Variants in KLHDC4 observed in about 807,000 individuals in gnomAD.
The protein encoded by KLHDC4 is kelch domain-containing protein 4.
KLHDC4 carries 90 observed loss-of-function variants against 62.4 expected under a neutral mutation model. The ratio of observed to expected loss-of-function variants is 1.44; its 90% CI spans 1.22 to 1.72. The LOEUF (loss-of-function observed/expected upper bound fraction) is 1.72. Among genes scored for constraint, KLHDC4 ranks in the 40% most tolerant of loss-of-function variants. The pLI is 0.00. For missense variants in KLHDC4, 1,025 were observed against 699.7 expected, an observed-to-expected ratio of 1.47 and a Z score of -5.25; for synonymous variants, 386 against 284.4, an observed-to-expected ratio of 1.36 and a Z score of -3.59.
At chr16:87,714,459 G>A (rs2036530439) in intron 8 of KLHDC4, 39 bp downstream of exon 8, 1 of 1,588,882 alleles carries the variant, frequency 6.3e-7, no homozygotes, top group Non-Finnish European at 8.6e-7. Context: ...GCCACACACA[G>A]ACCAGCCAGC....
intron 4 of KLHDC4, among the ~76,000 whole-genome samples, chr16:87,753,789 G>C (rs1165966953): frequency 6.9e-6 from 1 of 145,422 alleles, no homozygotes; most frequent in Non-Finnish European, 1.5e-5. Flanking sequence ...CAACAAGAGA[G>C]AGACTCCATC....
Position 87,709,647 on chromosome 16 carries a change from C to T in KLHDC4, c.1065G>A (p.Lys355=). The part of the protein sequence containing the change: ...GQLKGPKSEK[K]KRRRGRKEEP... ...CCTCTTTTCTGCCCCGCCTGCGTTTCTTCTTTTCAGACTTGGGTCCCTATT... is the reference window on the plus strand; with the variant it reads ...CCTCTTTTCTGCCCCGCCTGCGTTTTTTCTTTTCAGACTTGGGTCCCTATT... The change falls in exon 10 of 12, where the codon AAG becomes AAA. Residue 355 remains lysine (K), a synonymous_variant. Coordinates refer to ENST00000270583, the MANE Select transcript of KLHDC4 (RefSeq NM_017566.4). 6.2e-7 allele frequency: 1 copy of T among 1,603,144 alleles called. No individual in the cohort carries two copies. The highest frequency in any genetic ancestry group is 8.5e-7 in the Non-Finnish European group (1 of 1,174,696).
In KLHDC4 at chr16:87,746,351, A is replaced by G. The variant is rs148419069; in HGVS notation, c.506+2322T>C. On this transcript the variant is annotated intron_variant, in intron 5 of 11. Coordinates refer to ENST00000270583, the MANE Select transcript of KLHDC4 (RefSeq NM_017566.4). ...GAGAGGAGAAAAAGACAAGACCACA[A>G]AGAGAGAAAGAGAGAGAGAGCGAGA... Among the ~76,000 whole-genome samples the G allele has an allele frequency of 4.0e-3, 603 of 152,038 alleles. 10 individuals are homozygous for G. Among genetic ancestry groups the G allele is most frequent in the Non-Finnish European group, 3.5e-3 (235 of 67,984 alleles).
chr16:87,724,118 G>A (rs1189907935), intron 7 of KLHDC4, among the ~76,000 whole-genome samples: 6 of 152,160 alleles, frequency 3.9e-5, no homozygotes, highest in Non-Finnish European at 5.9e-5. Context: ...GATTACAGGC[G>A]TGAGCCACTG....
At chr16:87,717,580 C>A (rs8054180) in intron 7 of KLHDC4, among the ~76,000 whole-genome samples, 92,836 of 152,022 alleles carry the variant, frequency 0.61, 28,407 homozygotes, top group South Asian at 0.73. Context: ...TGTGCAATTC[C>A]AGTGATGCAG....
At chr16:87,759,999 T>G (rs1328932319) in intron 2 of KLHDC4, among the ~76,000 whole-genome samples, 1 of 152,062 alleles carries the variant, frequency 6.6e-6, no homozygotes, top group Non-Finnish European at 1.5e-5. Flanking sequence ...CCTGACGATA[T>G]GCTCATTTAG....
At position 87,709,984 on chromosome 16, in the gene KLHDC4, A is replaced by G. The variant is rs2035464745; in HGVS notation, c.1045-317T>C. On this transcript the variant is annotated intron_variant, in intron 9 of 11. Transcript: ENST00000270583. ...CACCAGACCCCACACACAGGGCACCAGCCCCACAGGCTCCGACGCTCACCC... is the reference window on the plus strand; with the variant it reads ...CACCAGACCCCACACACAGGGCACCGGCCCCACAGGCTCCGACGCTCACCC... 8.4e-6 allele frequency: 3 copies of G among 356,662 alleles called. No individual in the cohort carries two copies. In the East Asian group the frequency reaches 1.4e-4, roughly 16 times the overall value. The allele number at this position is 356,662 out of a possible 1,614,324, so 22.1% of individuals were successfully genotyped here.
chr16:87,735,117 C>A (rs117594793), intron 5 of KLHDC4, among the ~76,000 whole-genome samples: 2,196 of 150,958 alleles, frequency 0.015, 27 homozygotes, highest in Non-Finnish European at 0.022. Flanking sequence ...TAAACCAGTG[C>A]TGAAACCCCG....
intron 8 of KLHDC4, among the ~76,000 whole-genome samples, chr16:87,712,084 C>A (rs2035995803): frequency 6.9e-6 from 1 of 144,926 alleles, no homozygotes; most frequent in Non-Finnish European, 1.5e-5. Flanking sequence ...GAGGAGCCTT[C>A]GCCTGGGGTC....
Position 87,708,356 on chromosome 16 carries a change from C to G in KLHDC4, c.1558G>C (p.Asp520His), listed in dbSNP as rs949047710. The G allele has an allele frequency of 1.9e-6, 3 of 1,602,952 alleles. No individual in the cohort carries two copies. The African/African-American group carries it at 4.0e-5, about 21-fold the overall frequency. Residue 520 changes from aspartate to histidine, a missense_variant, in exon 11 of 12, where the codon GAC becomes CAC. Physicochemically the swap from Asp to His is moderately conservative, Grantham distance 81. Coordinates refer to ENST00000270583, the MANE Select transcript of KLHDC4 (RefSeq NM_017566.4). ...CCAGCCCGAGCCCGCTCACCTCAGT[C>G]CTCCGCACCGCTCTCCTCTCCGCTG... is the stretch of plus-strand genomic sequence containing the variant. ...EDSGEESGAE[D>H]
intron 7 of KLHDC4, among the ~76,000 whole-genome samples, chr16:87,725,185 G>T (rs972918436): frequency 6.6e-6 from 1 of 152,108 alleles, no homozygotes; most frequent in African/African-American, 2.4e-5. Context: ...GGGAGGGTGG[G>T]CAGCGGGGCC....
At position 87,726,771 on chromosome 16, in the gene KLHDC4, C is replaced by A; in HGVS notation, c.753G>T (p.Ser251=). The A allele has an allele frequency of 6.5e-7, 1 of 1,537,542 alleles. No homozygotes were observed. Among genetic ancestry groups the A allele is most frequent in the Non-Finnish European group, 8.8e-7 (1 of 1,142,270 alleles). Residue 251 remains serine, a synonymous_variant, in exon 7 of 12, where the codon TCG becomes TCT. Coordinates refer to ENST00000270583, the MANE Select transcript of KLHDC4 (RefSeq NM_017566.4). ...TCCCCACCCCCCGCCTTACCTGTTT[C>A]GAGTAGCCCCCATAGACGACGATGC... ...QGGIVVYGGY[S]KQRVKKDVDK...
chr16:87,759,683 T>C (rs1000268877), intron 2 of KLHDC4, among the ~76,000 whole-genome samples: 1 of 151,910 alleles, frequency 6.6e-6, no homozygotes, highest in South Asian at 2.1e-4. Context: ...GAGGCTACAG[T>C]GAGCCGAGAT....
At chr16:87,755,334 C>A (rs777486884) in intron 3 of KLHDC4, 42 bp from the exon 4 acceptor site, 1 of 1,059,194 alleles carries the variant, frequency 9.4e-7, no homozygotes, top group East Asian at 2.4e-5. Context: ...AAATGATACG[C>A]TTCCAAGGAA....
downstream of KLHDC4, among the ~76,000 whole-genome samples, chr16:87,704,191 C>T (rs553892487): frequency 1.3e-5 from 2 of 152,358 alleles, no homozygotes; most frequent in African/African-American, 4.8e-5. Context: ...ACGTCCAGCG[C>T]GGGGTCTCGC....
At chr16:87,731,046 C>CTTTTTTTTTTTTTTTTTTTTTTTTTTTTT (rs774096264) in intron 5 of KLHDC4, 1 of 72,032 alleles carries the variant, frequency 1.4e-5, no homozygotes, top group East Asian at 5.1e-4. Flanking sequence ...ATACAGAATT[C>CTTTTTTTTTTTTTTTTTTTTTTTTTTTTT]TTTTTTTTTT....
chr16:87,730,484 C>T (rs2040152330), intron 6 of KLHDC4, 68 bp downstream of exon 6: 4 of 1,285,568 alleles, frequency 3.1e-6, no homozygotes, highest in Admixed American at 4.5e-5. Flanking sequence ...ATTCAGAATG[C>T]TCTTTCTATA....
At position 87,748,235 on chromosome 16, in the gene KLHDC4, A is replaced by C. The variant is rs532776415; in HGVS notation, c.506+438T>G. Among the ~76,000 whole-genome samples the C allele has an allele frequency of 2.6e-5, 4 of 152,338 alleles. No individual in the cohort carries two copies. In the East Asian group the frequency reaches 7.7e-4, roughly 29 times the overall value. On this transcript the variant is annotated intron_variant, in intron 5 of 11. Transcript: ENST00000270583. ...GCAGGGTTCACTGAAGAGAAATGTCAACATCCTTCCTGTCTCATACCAGCT... is the reference window on the plus strand; with the variant it reads ...GCAGGGTTCACTGAAGAGAAATGTCCACATCCTTCCTGTCTCATACCAGCT...
In KLHDC4 at chr16:87,727,948, G is replaced by A. The variant is rs561909912; in HGVS notation, c.600-1024C>T. Among the ~76,000 whole-genome samples the A allele has an allele frequency of 3.3e-5, 5 of 152,280 alleles. No homozygotes were observed. The South Asian group carries it at 1.0e-3, about 32-fold the overall frequency. ...CACCTGCAATCCCAGCACTTTGGGA[G>A]TCTCAGGCAGGTAGATCACTTGAGG... On this transcript the variant is annotated intron_variant, in intron 6 of 11. Transcript: ENST00000270583.
Sources: gnomAD v4.1 joint callset for allele counts (sites outside exome capture counted in the v4.1 genomes callset) on GRCh38, gnomAD v4.1.1 for gene constraint, MANE v1.5 for transcripts, NCBI Gene and HGNC (gene_info 2026-07-23, HGNC 2026-07-21) for gene names.